Variants in NOL4 observed in about 807,000 individuals in gnomAD.
The protein encoded by NOL4 is cancer/testis antigen 125.
NOL4 carries 17 observed loss-of-function variants against 75.9 expected under a neutral mutation model. That is an observed-to-expected ratio of 0.22 (90% confidence interval 0.15 to 0.34). The LOEUF (loss-of-function observed/expected upper bound fraction) is 0.34. Among genes scored for constraint, NOL4 ranks in the 10% least tolerant of loss-of-function variants. The probability of loss-of-function intolerance (pLI) is 1.00; values close to 1 mark genes in which losing one functional copy is unlikely to be tolerated. For synonymous variants in NOL4, 292 were observed against 289.9 expected (o/e 1.01, Z -0.07); for missense variants, 614 against 793.5 (o/e 0.77, Z 2.72).
intron 5 of NOL4, among the ~76,000 whole-genome samples, chr18:34,049,935 C>A (rs529978669): frequency 6.6e-6 from 1 of 152,030 alleles, no homozygotes; most frequent in Non-Finnish European, 1.5e-5. Flanking sequence ...CACCCTAATG[C>A]GTTTGAAAAG....
At chr18:33,880,795 C>A (rs954682460) in intron 10 of NOL4, among the ~76,000 whole-genome samples, 2 of 151,774 alleles carry the variant, frequency 1.3e-5, no homozygotes, top group African/African-American at 4.8e-5. Flanking sequence ...AGAAGAAAAG[C>A]ATTTGCTATT....
rs146880081 is a variant in NOL4 at position 34,160,091 on chromosome 18, G to C, written c.265-30071C>G. On this transcript the variant is annotated intron_variant, in intron 1 of 10. Coordinates refer to ENST00000261592, the MANE Select transcript of NOL4 (RefSeq NM_003787.5). ...AGCAAAACAAACCCAGGCGGAGAAG[G>C]GTGTCTTTTCTGGCAGCTAAGTCAA... is the stretch of plus-strand genomic sequence containing the variant. 8.9e-3 allele frequency among the ~76,000 whole-genome samples: 1,355 copies of C among 152,200 alleles called. 20 individuals carry two copies. Among genetic ancestry groups the C allele is most frequent in the African/African-American group, 0.03 (1,259 of 41,526 alleles).
intron 1 of NOL4, among the ~76,000 whole-genome samples, chr18:34,217,965 C>T (rs1230980906): frequency 6.6e-6 from 1 of 152,070 alleles, no homozygotes; most frequent in African/African-American, 2.4e-5. Flanking sequence ...GTAAAATCAA[C>T]ACTCTACTCA....
chr18:34,112,667 T>G (rs2079651521), intron 2 of NOL4, among the ~76,000 whole-genome samples: 1 of 152,000 alleles, frequency 6.6e-6, no homozygotes, highest in Non-Finnish European at 1.5e-5. Flanking sequence ...TCATAGAAGC[T>G]GAGAGTAGAA....
intron 6 of NOL4, among the ~76,000 whole-genome samples, chr18:33,996,870 T>C (rs541634975): frequency 1.3e-5 from 2 of 151,276 alleles, no homozygotes; most frequent in African/African-American, 4.8e-5. Flanking sequence ...GTGATTAACA[T>C]ACAGGTACAT....
intron 5 of NOL4, among the ~76,000 whole-genome samples, chr18:34,047,312 T>C (rs2076424473): frequency 6.6e-6 from 1 of 152,114 alleles, no homozygotes; most frequent in South Asian, 2.1e-4. Flanking sequence ...TAGACTGTAA[T>C]GTTATTTGTA....
intron 9 of NOL4, among the ~76,000 whole-genome samples, chr18:33,899,522 G>A (rs1158998836): frequency 6.6e-6 from 1 of 152,148 alleles, no homozygotes; most frequent in Non-Finnish European, 1.5e-5. Context: ...CCCCAGCTAA[G>A]GAATTCCTGG....
At chr18:34,038,113 A>T (rs1412380695) in intron 5 of NOL4, among the ~76,000 whole-genome samples, 1 of 152,150 alleles carries the variant, frequency 6.6e-6, no homozygotes, top group Admixed American at 6.6e-5. Context: ...AAGAAGACAT[A>T]CAAATGGTTA....
In NOL4 at chr18:34,223,052, C is replaced by T; in HGVS notation, c.202G>A (p.Asp68Asn). ...KSKGFQLGQP[D>N]EVRGGGGGAK... ...CCGCCGCCTCCCCCGCGGACCTCGT[C>T]CGGCTGGCCCAGCTGGAAGCCCTTC... The change falls in exon 1 of 11, where the codon GAC becomes AAC. Residue 68 changes from aspartate to asparagine, a missense_variant. Around this residue, in one of 9 missense-constraint regions of NOL4, gnomAD observed 49 missense variants for 39.6 expected, o/e 1.24. Coordinates refer to ENST00000261592, the MANE Select transcript of NOL4 (RefSeq NM_003787.5). 6.2e-7 allele frequency: 1 copy of T among 1,613,798 alleles called. No homozygotes were observed. Among genetic ancestry groups the T allele is most frequent in the Non-Finnish European group, 8.5e-7 (1 of 1,180,016 alleles).
At chr18:33,883,640 G>T (rs2064449196) in intron 9 of NOL4, among the ~76,000 whole-genome samples, 2 of 152,082 alleles carry the variant, frequency 1.3e-5, no homozygotes, top group African/African-American at 4.8e-5. Flanking sequence ...TGGAACAATT[G>T]ACAGTTTTCA....
intron 2 of NOL4, among the ~76,000 whole-genome samples, chr18:34,105,543 C>T (rs1310128198): frequency 6.6e-6 from 1 of 151,926 alleles, no homozygotes; most frequent in Non-Finnish European, 1.5e-5. Context: ...ATTTTAAATA[C>T]TCTTTTTTGT....
intron 1 of NOL4, among the ~76,000 whole-genome samples, chr18:34,185,616 A>G (rs990990608): frequency 6.6e-6 from 1 of 152,076 alleles, no homozygotes; most frequent in Non-Finnish European, 1.5e-5. Flanking sequence ...GTCAGACCCA[A>G]CTCTACTCTT....
chr18:34,008,779 G>T (rs2074205011), intron 6 of NOL4, among the ~76,000 whole-genome samples: 1 of 151,864 alleles, frequency 6.6e-6, no homozygotes, highest in African/African-American at 2.4e-5. Context: ...CCTACACCTT[G>T]CCTGAAAGAG....
At chr18:34,080,157 T>G (rs1308253391) in intron 5 of NOL4, among the ~76,000 whole-genome samples, 1 of 152,218 alleles carries the variant, frequency 6.6e-6, no homozygotes, top group Non-Finnish European at 1.5e-5. Context: ...GATGTGTCAT[T>G]CATCCTCTGG....
intron 10 of NOL4, among the ~76,000 whole-genome samples, chr18:33,866,450 A>C (rs960748833): frequency 1.3e-5 from 2 of 152,130 alleles, no homozygotes; most frequent in African/African-American, 4.8e-5. Flanking sequence ...TTTTTATCTA[A>C]GGGGGTTTTC....
At chr18:34,039,136 G>C (rs952934430) in intron 5 of NOL4, among the ~76,000 whole-genome samples, 1 of 151,896 alleles carries the variant, frequency 6.6e-6, no homozygotes, top group African/African-American at 2.4e-5. Flanking sequence ...TCTGGAATTT[G>C]AACAATTTTG....
intron 8 of NOL4, among the ~76,000 whole-genome samples, chr18:33,956,477 C>A (rs2069656172): frequency 6.6e-6 from 1 of 152,066 alleles, no homozygotes; most frequent in Admixed American, 6.6e-5. Flanking sequence ...TCACAGATCA[C>A]AAACACTAAC....
chr18:33,869,017 C>T (rs1269085527), intron 10 of NOL4, among the ~76,000 whole-genome samples: 1 of 151,678 alleles, frequency 6.6e-6, no homozygotes, highest in Non-Finnish European at 1.5e-5. Context: ...AAAAAATGGT[C>T]CTCTTTTTGG....
chr18:34,186,246 T>C (rs1295178145), intron 1 of NOL4, among the ~76,000 whole-genome samples: 1 of 152,152 alleles, frequency 6.6e-6, no homozygotes, highest in African/African-American at 2.4e-5. Flanking sequence ...AAGATGATGT[T>C]CTATTTTGCT....
Sources: gnomAD v4.1 joint callset for allele counts (sites outside exome capture counted in the v4.1 genomes callset) on GRCh38, gnomAD v4.1.1 for gene constraint, gnomAD v4.1.1 regional missense constraint, MANE v1.5 for transcripts, NCBI Gene and HGNC (gene_info 2026-07-23, HGNC 2026-07-21) for gene names.